VEGFA: variants seen among roughly 807,000 people sequenced by gnomAD.
VEGFA encodes vascular endothelial growth factor A.
A neutral mutation model predicts 49.7 loss-of-function variants in VEGFA; 20 were observed. The observed-to-expected ratio is 0.40, with a 90% confidence interval of 0.28 to 0.58. VEGFA has a LOEUF of 0.58. Ranked by LOEUF, VEGFA falls within the 20% of genes least tolerant of loss-of-function variation. VEGFA has a pLI of 0.40. For missense variants in VEGFA, 505 were observed against 553.5 expected (o/e 0.91, Z 0.88); for synonymous variants, 219 against 223.4 (o/e 0.98, Z 0.18).
chr6:43,771,133 T>C lies in VEGFA; in HGVS notation c.427T>C (p.Ser143Pro), dbSNP rs1466363160. The change falls in exon 1 of 8, where the codon TCG becomes CCG. Residue 143 changes from serine (S) to proline (P), a missense_variant. By Grantham distance (74) the Ser-to-Pro change is moderately conservative (BLOSUM62 -1). Transcript: ENST00000672860. ...CGCTCCCCAGGCCCTGGCCCGGGCC[T>C]CGGGCCGGGGAGGAAGAGTAGCTCG... The C allele has an allele frequency of 6.7e-7, 1 of 1,489,840 alleles. No individual in the cohort carries two copies. The highest frequency in any genetic ancestry group is 8.9e-7 in the Non-Finnish European group (1 of 1,124,492). The allele number at this position is 1,489,840 out of a possible 1,614,324, so 92.3% of individuals were successfully genotyped here.
At chr6:43,784,451 G>A (rs1769053836) in intron 7 of VEGFA, 90 bp from the exon 8 acceptor site, 3 of 1,332,828 alleles carry the variant, frequency 2.3e-6, no homozygotes, top group Non-Finnish European at 3.2e-6. Context: ...CAGTGACCCA[G>A]GGGCCCCCAG....
intron 2 of VEGFA, chr6:43,774,791 A>G: frequency 3.2e-6 from 1 of 313,600 alleles, no homozygotes; most frequent in East Asian, 6.8e-5. Flanking sequence ...GGGAACTGTG[A>G]CCCTTCCTGT....
At chr6:43,783,885 G>C (rs1768786871) in intron 7 of VEGFA, 1 of 153,430 alleles carries the variant, frequency 6.5e-6, no homozygotes, top group African/African-American at 2.4e-5. Flanking sequence ...TGTTACCTGG[G>C]CCTGCAACCT....
chr6:43,771,914 C>T, intron 1 of VEGFA: 1 of 650,698 alleles, frequency 1.5e-6, no homozygotes, highest in Non-Finnish European at 1.9e-6. Flanking sequence ...CGCCCGTCCC[C>T]GCTCGCGTCC....
chr6:43,774,255 G>A, intron 1 of VEGFA, 86 bp from the exon 2 acceptor site: 2 of 1,420,020 alleles, frequency 1.4e-6, no homozygotes, highest in Non-Finnish European at 2.0e-6. Context: ...TGGGAGGGAA[G>A]TGAGGAGGGA....
In VEGFA at chr6:43,780,743, G is replaced by A. The variant is rs1395807781; in HGVS notation, c.974G>A (p.Arg325Gln). The A allele has an allele frequency of 1.2e-5, 20 of 1,611,186 alleles. No homozygotes were observed. The Admixed American group carries it at 2.9e-4, about 23-fold the overall frequency. The change falls in exon 6 of 8, where the codon CGA becomes CAA. Residue 325 changes from arginine (R) to glutamine (Q), a missense_variant. By Grantham distance (43) the Arg-to-Gln change is conservative. Around this residue, in one of 2 missense-constraint regions of VEGFA, gnomAD observed 165 missense variants for 231.7 expected, o/e 0.71. Transcript: ENST00000672860. ...TTTTTATTTTCCAGAAAATCAGTTC[G>A]AGGAAAGGGAAAGGGGCAAAAACGA...
In VEGFA at chr6:43,770,758, C is replaced by A; in HGVS notation, c.52C>A (p.Pro18Thr). 1.3e-6 allele frequency: 2 copies of A among 1,498,264 alleles called. No individual in the cohort carries two copies. The highest frequency in any genetic ancestry group is 1.8e-6 in the Non-Finnish European group (2 of 1,132,114). 92.8% of individuals were successfully genotyped at this position (1,498,264 alleles called of 1,614,324 possible). A position where few individuals can be genotyped will look rare whatever the true frequency, so the allele number is the denominator to read the frequency against. Residue 18 changes from proline (P) to threonine (T), a missense_variant, in exon 1 of 8, where the codon CCC becomes ACC. Transcript: ENST00000672860. ...CCCCAGCCCCAGCTACCACCTCCTC[C>A]CCGGCCGGCGGCGGACAGTGGACGC...
At chr6:43,783,018 C>T (rs1344065557) in intron 7 of VEGFA, 3 of 152,172 alleles carry the variant, frequency 2.0e-5, no homozygotes, top group Non-Finnish European at 4.4e-5. Context: ...TTTGTGAGCC[C>T]CGGGCATCTG....
intron 1 of VEGFA, among the ~76,000 whole-genome samples, chr6:43,772,727 C>G (rs1266154292): frequency 6.6e-6 from 1 of 152,126 alleles, no homozygotes; most frequent in African/African-American, 2.4e-5. Context: ...CTTCCCTCAG[C>G]CAGAATTCCC....
At chr6:43,775,587 G>C (rs889657363) in intron 2 of VEGFA, 2 of 152,196 alleles carry the variant, frequency 1.3e-5, no homozygotes, top group African/African-American at 4.8e-5. Flanking sequence ...GCCCAGGCCA[G>C]ACCTTCCTGC....
chr6:43,780,090 C>T, intron 5 of VEGFA: 1 of 214,408 alleles, frequency 4.7e-6, no homozygotes, highest in Non-Finnish European at 9.5e-6. Context: ...CCCAGGGCTC[C>T]AGGACACCCA....
At chr6:43,784,263 TC>T (rs1768953928) in intron 7 of VEGFA, 1 of 579,326 alleles carries the variant, frequency 1.7e-6, no homozygotes. Context: ...TGTTCCCATG[TC>T]CTTGTCTTGT....
intron 1 of VEGFA, chr6:43,774,011 T>A: frequency 1.6e-5 from 7 of 445,870 alleles, no homozygotes; most frequent in South Asian, 1.4e-4. Context: ...AGGGGGATAG[T>A]GAGAGCAGGG....
At chr6:43,783,529 G>A (rs1582537667) in intron 7 of VEGFA, 1 of 152,420 alleles carries the variant, frequency 6.6e-6, no homozygotes, top group South Asian at 2.1e-4. Context: ...GGAAAGATAA[G>A]GGACTTGACA....
In VEGFA at chr6:43,770,802, G is replaced by T. The variant is rs1170711953; in HGVS notation, c.96G>T (p.Gln32His). 1 of 1,498,868 alleles carries T rather than the reference G, an allele frequency of 6.7e-7. No individual in the cohort carries two copies. The highest frequency in any genetic ancestry group is 8.9e-7 in the Non-Finnish European group (1 of 1,126,502). The allele number at this position is 1,498,868 out of a possible 1,614,324, so 92.8% of individuals were successfully genotyped here. A position where few individuals can be genotyped will look rare whatever the true frequency, so the allele number is the denominator to read the frequency against. The change falls in exon 1 of 8, where the codon CAG becomes CAT. Residue 32 changes from glutamine (Q) to histidine (H), a missense_variant. This residue lies in a region of VEGFA where 340 missense variants were observed against 321.8 expected (regional missense o/e 1.06). Transcript: ENST00000672860. Reference sequence around the variant, plus strand: ...TGGACGCGGCGGCGAGCCGCGGGCAGGGGCCGGAGCCCGCGCCCGGAGGCG... The same window carrying T: ...TGGACGCGGCGGCGAGCCGCGGGCATGGGCCGGAGCCCGCGCCCGGAGGCG...
rs770162865 is a variant in VEGFA at position 43,771,332 on chromosome 6, T to C, written c.606+20T>C. 15 of 1,590,236 alleles carry C rather than the reference T, an allele frequency of 9.4e-6. No homozygotes were observed. Among genetic ancestry groups the C allele is most frequent in the African/African-American group, 1.4e-5 (1 of 71,766 alleles). On this transcript the variant is annotated intron_variant, in intron 1 of 7. Coordinates refer to ENST00000672860, the MANE Select transcript of VEGFA (RefSeq NM_003376.6). Reference sequence around the variant, plus strand: ...GCCAAGGTAAGCGGTCGTGCCCTGCTGGCGCCGCGGGCCGCTGCGAGCGCC... The same window carrying C: ...GCCAAGGTAAGCGGTCGTGCCCTGCCGGCGCCGCGGGCCGCTGCGAGCGCC...
At position 43,770,744 on chromosome 6, in the gene VEGFA, G is replaced by T; in HGVS notation, c.38G>T (p.Ser13Ile). The T allele has an allele frequency of 6.6e-7, 1 of 1,522,450 alleles. No homozygotes were observed. The allele number at this position is 1,522,450 out of a possible 1,614,324, so 94.3% of individuals were successfully genotyped here. A position where few individuals can be genotyped will look rare whatever the true frequency, so the allele number is the denominator to read the frequency against. Residue 13 changes from serine (S) to isoleucine (I), a missense_variant, in exon 1 of 8, where the codon AGC becomes ATC. Physicochemically the swap from Ser to Ile is moderately radical, Grantham distance 142 (BLOSUM62 -2). This residue lies in a region of VEGFA where 340 missense variants were observed against 321.8 expected (regional missense o/e 1.06). Coordinates refer to ENST00000672860, the MANE Select transcript of VEGFA (RefSeq NM_003376.6). ...CAGACAGACACCGCCCCCAGCCCCAGCTACCACCTCCTCCCCGGCCGGCGG... is the reference window on the plus strand; with the variant it reads ...CAGACAGACACCGCCCCCAGCCCCATCTACCACCTCCTCCCCGGCCGGCGG...
At position 43,771,634 on chromosome 6, in the gene VEGFA, G is replaced by A. The variant is rs1171618560; in HGVS notation, c.606+322G>A. ...GGCTGGGCTTGCGTTGCCGCTGCCG[G>A]CTGAAGTTTGCTCCCGGCCGCTGGT... On this transcript the variant is annotated intron_variant, in intron 1 of 7. Transcript: ENST00000672860. Among the ~76,000 whole-genome samples the A allele has an allele frequency of 2.6e-5, 4 of 152,352 alleles. No homozygotes were observed. The East Asian group carries it at 7.7e-4, about 29-fold the overall frequency.
Position 43,784,866 on chromosome 6 carries a change from T to G in VEGFA, c.*304T>G, listed in dbSNP as rs964713658. ...TGCTAAATCACCGAGCCCGGAAGAT[T>G]AGAGAGTTTTATTTCTGGGATTCCT... On this transcript the variant is annotated 3_prime_UTR_variant, in exon 8 of 8. Coordinates refer to ENST00000672860, the MANE Select transcript of VEGFA (RefSeq NM_003376.6). 5 of 554,730 alleles carry G rather than the reference T, an allele frequency of 9.0e-6. No individual in the cohort carries two copies. In the African/African-American group the frequency reaches 9.5e-5, roughly 11 times the overall value. 34.4% of individuals were successfully genotyped at this position (554,730 alleles called of 1,614,324 possible). A position where few individuals can be genotyped will look rare whatever the true frequency, so the allele number is the denominator to read the frequency against.
Sources: gnomAD v4.1 joint callset for allele counts (sites outside exome capture counted in the v4.1 genomes callset) on GRCh38, gnomAD v4.1.1 for gene constraint, gnomAD v4.1.1 regional missense constraint, MANE v1.5 for transcripts, NCBI Gene and HGNC (gene_info 2026-07-23, HGNC 2026-07-21) for gene names.